Variants in ZNF462 observed in about 807,000 individuals in gnomAD.
The protein encoded by ZNF462 is zinc finger protein 462.
A neutral mutation model predicts 201.9 loss-of-function variants in ZNF462; 10 were observed. The observed-to-expected ratio is 0.05, with a 90% confidence interval of 0.03 to 0.08. ZNF462 has a LOEUF of 0.08. Ranked by LOEUF, ZNF462 falls within the 10% of genes least tolerant of loss-of-function variation. The pLI, the probability that ZNF462 is intolerant of heterozygous loss-of-function variation, is 1.00. For synonymous variants in ZNF462, 1,227 were observed against 1,193.3 expected, an observed-to-expected ratio of 1.03 and a Z score of -0.58; for missense variants, 2,523 against 3,168.3, an observed-to-expected ratio of 0.80 and a Z score of 4.89.
chr9:106,876,763 A>T lies in ZNF462; in HGVS notation c.-31+13408A>T, dbSNP rs1393178460. ...AGCTTTTCAGAAGAAAGATGTTATT[A>T]CTGTTCCTATTGTTTGGCATCATTC... On this transcript the variant is annotated intron_variant, in intron 1 of 12. Transcript: ENST00000277225. This position sits in a 1 kb window ranked among gnomAD's most constrained non-coding sequence, Gnocchi z 4.9. Among the ~76,000 whole-genome samples the T allele has an allele frequency of 6.6e-6, 1 of 152,208 alleles. No homozygotes were observed.
chr9:106,918,928 G>A (rs1829883905), intron 1 of ZNF462, among the ~76,000 whole-genome samples: 1 of 152,218 alleles, frequency 6.6e-6, no homozygotes, highest in Non-Finnish European at 1.5e-5. Context: ...GGAGAACTGG[G>A]AAGTTTAGTG....
Position 106,974,072 on chromosome 9 carries a change from G to A in ZNF462, c.6696-65G>A. The A allele has an allele frequency of 6.2e-7, 1 of 1,603,432 alleles. No individual in the cohort carries two copies. The highest frequency in any genetic ancestry group is 8.5e-7 in the Non-Finnish European group (1 of 1,172,828). Reference sequence around the variant, plus strand: ...GACATATATAACGGGTTTGCCAGCAGGAAATGTGAAAATGCAATGATCCCT... The same window carrying A: ...GACATATATAACGGGTTTGCCAGCAAGAAATGTGAAAATGCAATGATCCCT... On this transcript the variant is annotated intron_variant, in intron 8 of 12. Coordinates refer to ENST00000277225, the MANE Select transcript of ZNF462 (RefSeq NM_021224.6). The surrounding 1 kb of genome is among the most constrained non-coding windows in gnomAD (Gnocchi z 4.0).
At chr9:106,873,233 G>A (rs1220173922) in intron 1 of ZNF462, among the ~76,000 whole-genome samples, 6 of 152,126 alleles carry the variant, frequency 3.9e-5, no homozygotes, top group Non-Finnish European at 7.4e-5. Flanking sequence ...ATAACTTATT[G>A]CAATAGCTTG....
intron 1 of ZNF462, among the ~76,000 whole-genome samples, chr9:106,864,366 A>G (rs1422281719): frequency 6.6e-6 from 1 of 151,782 alleles, no homozygotes; most frequent in Non-Finnish European, 1.5e-5. Flanking sequence ...GGGAGAAAGG[A>G]AGGCAGGGGC....
rs748823761 is a variant in ZNF462, at chr9:106,923,591, G to C, written c.208G>C (p.Glu70Gln). 1.9e-6 allele frequency: 3 copies of C among 1,614,106 alleles called. No homozygotes were observed. The highest frequency in any genetic ancestry group is 2.7e-5 in the African/African-American group (2 of 74,934). ...SSIKDEFAIA[E>Q]DLSGQNATSL... ...TATAAAGGATGAATTTGCCATTGCA[G>C]AAGATTTATCAGGTAAATCTATACT... Residue 70 changes from glutamate to glutamine, a missense_variant, in exon 2 of 13, where the codon GAA (glutamate) becomes CAA (glutamine). Around this residue, in one of 15 missense-constraint regions of ZNF462, gnomAD observed 480 missense variants for 544.4 expected, o/e 0.88. Transcript: ENST00000277225. The surrounding 1 kb of genome is among the most constrained non-coding windows in gnomAD (Gnocchi z 5.6).
intron 10 of ZNF462, among the ~76,000 whole-genome samples, chr9:106,998,306 G>T (rs1234479117): frequency 1.3e-5 from 2 of 152,074 alleles, no homozygotes; most frequent in Non-Finnish European, 2.9e-5. Flanking sequence ...TGAAGACAAG[G>T]GTTCCAGTTC....
Position 106,928,497 on chromosome 9 carries a change from G to A in ZNF462, c.4585G>A (p.Gly1529Ser), listed in dbSNP as rs1830292928. ...CCCATACATCAACACCCGCATCCAC[G>A]GCGTACTGACCCACTACCAGAAGCG... ...HCPYINTRIH[G>S]VLTHYQKRHP... The change falls in exon 3 of 13, where the codon GGC (glycine) becomes AGC (serine). Residue 1529 changes from glycine (G) to serine (S), a missense_variant. Around this residue, in one of 15 missense-constraint regions of ZNF462, gnomAD observed 200 missense variants for 281.3 expected, o/e 0.71. Coordinates refer to ENST00000277225, the MANE Select transcript of ZNF462 (RefSeq NM_021224.6). The surrounding 1 kb of genome is among the most constrained non-coding windows in gnomAD (Gnocchi z 9.3). 1 of 1,614,060 alleles carries A rather than the reference G, an allele frequency of 6.2e-7. No individual in the cohort carries two copies. The highest frequency in any genetic ancestry group is 8.5e-7 in the Non-Finnish European group (1 of 1,180,032).
Position 106,927,844 on chromosome 9 carries a change from G to T in ZNF462, c.3932G>T (p.Gly1311Val). The stretch of plus-strand genomic sequence containing the variant: ...TTTCTAGATGGCTTGATAGAAGCTG[G>T]CTACCACTGCGAGTGGTGCATCTAC... The part of the protein sequence containing the change: ...WAFLDGLIEA[G>V]YHCEWCIYSH... The change falls in exon 3 of 13, where the codon GGC becomes GTC. Residue 1311 changes from glycine (G) to valine (V), a missense_variant. By Grantham distance (109) the Gly-to-Val change is moderately radical. This residue lies in a region of ZNF462 where 222 missense variants were observed against 271.6 expected (regional missense o/e 0.82). Transcript: ENST00000277225. 1 of 1,614,108 alleles carries T rather than the reference G, an allele frequency of 6.2e-7. No individual in the cohort carries two copies. The highest frequency in any genetic ancestry group is 8.5e-7 in the Non-Finnish European group (1 of 1,180,030).
chr9:106,942,295 A>C (rs1358501728), intron 7 of ZNF462, among the ~76,000 whole-genome samples: 1 of 152,224 alleles, frequency 6.6e-6, no homozygotes. Flanking sequence ...TCTCCCTCCC[A>C]ACCCAGAGGA....
At chr9:106,918,205 G>A (rs1829856119) in intron 1 of ZNF462, among the ~76,000 whole-genome samples, 1 of 152,106 alleles carries the variant, frequency 6.6e-6, no homozygotes, top group Non-Finnish European at 1.5e-5. Context: ...CTATAACATG[G>A]AGATAGTACC....
chr9:106,896,439 A>T (rs900699543), intron 1 of ZNF462, among the ~76,000 whole-genome samples: 3 of 152,190 alleles, frequency 2.0e-5, no homozygotes, highest in African/African-American at 7.2e-5. Context: ...GACACTTCTA[A>T]GCCAGACTCA....
chr9:106,972,035 A>G lies in ZNF462; in HGVS notation c.6458A>G (p.Gln2153Arg). The change falls in exon 8 of 13, where the codon CAG (glutamine) becomes CGG (arginine). Residue 2153 changes from glutamine to arginine, a missense_variant. This residue lies in a region of ZNF462 where 138 missense variants were observed against 146.3 expected (regional missense o/e 0.94). Coordinates refer to ENST00000277225, the MANE Select transcript of ZNF462 (RefSeq NM_021224.6). The surrounding 1 kb of genome is among the most constrained non-coding windows in gnomAD (Gnocchi z 4.8). ...TCATATTCAGAGCCCCCAGATGTTC[A>G]GCAGCAGTTGAACCACTATCAGTCA... ...DSSYSEPPDV[Q>R]QQLNHYQSAA... 1 of 1,614,154 alleles carries G rather than the reference A, an allele frequency of 6.2e-7. No homozygotes were observed. Among genetic ancestry groups the G allele is most frequent in the Non-Finnish European group, 8.5e-7 (1 of 1,180,006 alleles).
rs1225841008 is a variant in ZNF462, at chr9:106,880,689, A to G, written c.-31+17334A>G. 2.0e-5 allele frequency among the ~76,000 whole-genome samples: 3 copies of G among 152,196 alleles called. No individual in the cohort carries two copies. The highest frequency in any genetic ancestry group is 4.4e-5 in the Non-Finnish European group (3 of 68,042). On this transcript the variant is annotated intron_variant, in intron 1 of 12. Transcript: ENST00000277225. This position sits in a 1 kb window ranked among gnomAD's most constrained non-coding sequence, Gnocchi z 4.1. ...GGCCTTTTATAACTGATACTCACCT[A>G]TATTTCTCTATTTAAATGTGTTTGT... is the stretch of plus-strand genomic sequence containing the variant.
At chr9:106,965,897 G>C (rs1439341440) in intron 7 of ZNF462, among the ~76,000 whole-genome samples, 1 of 152,034 alleles carries the variant, frequency 6.6e-6, no homozygotes, top group African/African-American at 2.4e-5. Context: ...TATAATAGAA[G>C]TTGCATGGCA....
chr9:106,905,186 T>C lies in ZNF462; in HGVS notation c.-30-18168T>C, dbSNP rs1386558535. 6.6e-6 allele frequency among the ~76,000 whole-genome samples: 1 copy of C among 152,168 alleles called. No individual in the cohort carries two copies. Among genetic ancestry groups the C allele is most frequent in the East Asian group, 1.9e-4 (1 of 5,192 alleles). On this transcript the variant is annotated intron_variant, in intron 1 of 12. Transcript: ENST00000277225. The surrounding 1 kb of genome is among the most constrained non-coding windows in gnomAD (Gnocchi z 5.9). ...CCTATGAGCCAAACTTCAGTGATTGTTATCTCTCTTCTGGGTCTAGCTACC... is the reference window on the plus strand; with the variant it reads ...CCTATGAGCCAAACTTCAGTGATTGCTATCTCTCTTCTGGGTCTAGCTACC...
chr9:106,964,419 A>T (rs1191568587), intron 7 of ZNF462, among the ~76,000 whole-genome samples: 1 of 152,104 alleles, frequency 6.6e-6, no homozygotes, highest in South Asian at 2.1e-4. Flanking sequence ...ATGTAAATAC[A>T]TGTATTCACC....
intron 9 of ZNF462, chr9:106,976,479 G>A (rs763312306): frequency 1.3e-5 from 2 of 152,200 alleles, no homozygotes; most frequent in Non-Finnish European, 2.9e-5. Flanking sequence ...AGTAAGTTTT[G>A]CAGGGCACAT....
At chr9:106,899,250 G>C (rs1247860969) in intron 1 of ZNF462, among the ~76,000 whole-genome samples, 2 of 134,984 alleles carry the variant, frequency 1.5e-5, no homozygotes, top group Admixed American at 1.5e-4. Flanking sequence ...GGGGGGGGGG[G>C]GGTGTGTGCA....
In ZNF462 at chr9:106,886,461, T is replaced by A. The variant is rs1348420949; in HGVS notation, c.-31+23106T>A. Among the ~76,000 whole-genome samples, 2 of 152,214 alleles carry A rather than the reference T, an allele frequency of 1.3e-5. No individual in the cohort carries two copies. The highest frequency in any genetic ancestry group is 2.9e-5 in the Non-Finnish European group (2 of 68,044). On this transcript the variant is annotated intron_variant, in intron 1 of 12. Transcript: ENST00000277225. This position sits in a 1 kb window ranked among gnomAD's most constrained non-coding sequence, Gnocchi z 4.6. ...TGGTTTTAAAAATAAAATGCCAGGA[T>A]GCCACCCTGAGGATCCAGACATAGG...
Sources: gnomAD v4.1 joint callset for allele counts (sites outside exome capture counted in the v4.1 genomes callset) on GRCh38, gnomAD v4.1.1 for gene constraint, gnomAD v4.1.1 regional missense constraint, Gnocchi (gnomAD v3.1) non-coding constraint, MANE v1.5 for transcripts, NCBI Gene and HGNC (gene_info 2026-07-23, HGNC 2026-07-21) for gene names.